Variants in DDX43 observed in about 807,000 individuals in gnomAD.
The protein encoded by DDX43 is probable ATP-dependent RNA helicase DDX43.
Under a neutral mutation model 84.9 loss-of-function variants are expected in DDX43, and 50 were observed. The ratio of observed to expected loss-of-function variants is 0.59; its 90% confidence interval spans 0.47 to 0.75. DDX43 has a LOEUF of 0.75. DDX43 is among the 30% of genes least tolerant of loss of function. The pLI, the probability that DDX43 is intolerant of heterozygous loss-of-function variation, is 0.00. For synonymous variants in DDX43, 291 were observed against 266.3 expected, an observed-to-expected ratio of 1.09 and a Z score of -0.90; for missense variants, 689 against 798.6, an observed-to-expected ratio of 0.86 and a Z score of 1.65.
chr6:73,396,356 C>T (rs1461233349), intron 1 of DDX43, among the ~76,000 whole-genome samples: 1 of 152,146 alleles, frequency 6.6e-6, no homozygotes, highest in Non-Finnish European at 1.5e-5. Flanking sequence ...TGTATTTCAC[C>T]CTTTTTAAAA....
At chr6:73,397,620 G>C in intron 1 of DDX43, 69 bp from the exon 2 acceptor site, 3 of 1,273,354 alleles carry the variant, frequency 2.4e-6, no homozygotes, top group Non-Finnish European at 3.4e-6. Flanking sequence ...GTTTGTTGAG[G>C]AAAATGGGTA....
chr6:73,398,890 CCTG>C (rs1290810497), intron 2 of DDX43, among the ~76,000 whole-genome samples: 1 of 152,170 alleles, frequency 6.6e-6, no homozygotes, highest in Non-Finnish European at 1.5e-5. Flanking sequence ...AACTGTATGT[CCTG>C]CTTCCATTTG....
Position 73,408,014 on chromosome 6 carries a change from A to G in DDX43, c.1092A>G (p.Lys364=). 6.2e-7 allele frequency: 1 copy of G among 1,613,764 alleles called. No individual in the cohort carries two copies. Among genetic ancestry groups the G allele is most frequent in the East Asian group, 2.2e-5 (1 of 44,888 alleles). The change falls in exon 9 of 17, where the codon AAA becomes AAG. Residue 364 remains lysine, a synonymous_variant. Coordinates refer to ENST00000370336, the MANE Select transcript of DDX43 (RefSeq NM_018665.3). The part of the protein sequence containing the change: ...NRDEQIEELK[K]GVDIIIATPG... Reference sequence around the variant, plus strand: ...ATGAACAAATAGAAGAGCTTAAAAAAGGTGTAGATATCATAATTGCAACTC... The same window carrying G: ...ATGAACAAATAGAAGAGCTTAAAAAGGGTGTAGATATCATAATTGCAACTC...
Position 73,394,917 on chromosome 6 carries a change from C to T in DDX43, c.12C>T (p.His4=), listed in dbSNP as rs768641284. The T allele has an allele frequency of 1.2e-6, 2 of 1,614,184 alleles. No homozygotes were observed. The highest frequency in any genetic ancestry group is 2.2e-5 in the East Asian group (1 of 44,882). ...CCCTTCTTGGAACAATGTCCCACCA[C>T]GGAGGAGCTCCCAAGGCCTCTACGT... The part of the protein sequence containing the change: MSH[H]GGAPKASTWV... Residue 4 remains histidine, a synonymous_variant, in exon 1 of 17, where the codon CAC becomes CAT. Coordinates refer to ENST00000370336, the MANE Select transcript of DDX43 (RefSeq NM_018665.3).
chr6:73,400,119 A>T, intron 2 of DDX43, 115 bp from the exon 3 acceptor site: 1 of 810,856 alleles, frequency 1.2e-6, no homozygotes, highest in East Asian at 2.8e-5. Flanking sequence ...TATTTACTTT[A>T]TACTGTAATA....
intron 5 of DDX43, among the ~76,000 whole-genome samples, chr6:73,405,236 G>A (rs1769654404): frequency 6.6e-6 from 1 of 152,174 alleles, no homozygotes; most frequent in Admixed American, 6.5e-5. Flanking sequence ...ACTAAGAGAT[G>A]CATGGAATAG....
At position 73,400,958 on chromosome 6, in the gene DDX43, A is replaced by ATTTATT. The variant is rs1378771570; in HGVS notation, c.436+610_436+615dup. 2.6e-5 allele frequency among the ~76,000 whole-genome samples: 4 copies of ATTTATT among 152,044 alleles called. No individual in the cohort carries two copies. In the South Asian group the frequency reaches 6.2e-4, roughly 24 times the overall value. On this transcript the variant is annotated intron_variant, in intron 3 of 16. Coordinates refer to ENST00000370336, the MANE Select transcript of DDX43 (RefSeq NM_018665.3). ...TTCTATTTTTATATCTGACTCATTT[A>ATTTATT]TTTATTTTTATTTTTATTTTATTTT...
At chr6:73,404,814 T>TA (rs746936894) in intron 5 of DDX43, 43 bp downstream of exon 5, 2 of 1,467,300 alleles carry the variant, frequency 1.4e-6, no homozygotes, top group South Asian at 2.4e-5. Flanking sequence ...TTTGTATAGT[T>TA]ACGTTATTGG....
At position 73,414,036 on chromosome 6, in the gene DDX43, A is replaced by G; in HGVS notation, c.1563A>G (p.Arg521=). The part of the protein sequence containing the change: ...NISVESLHGD[R]EQRDREKALE... ...CAGTAGAGTCTCTGCATGGAGATAG[A>G]GAACAGAGAGATCGGGAGAAAGCAT... The change falls in exon 13 of 17, where the codon AGA becomes AGG. Residue 521 remains arginine, a synonymous_variant. Coordinates refer to ENST00000370336, the MANE Select transcript of DDX43 (RefSeq NM_018665.3). The G allele has an allele frequency of 6.2e-7, 1 of 1,610,844 alleles. No homozygotes were observed. The highest frequency in any genetic ancestry group is 8.5e-7 in the Non-Finnish European group (1 of 1,177,098).
intron 1 of DDX43, among the ~76,000 whole-genome samples, chr6:73,396,654 T>C (rs192545129): frequency 0.022 from 3,305 of 147,706 alleles, 280 homozygotes; most frequent in East Asian, 0.16. Context: ...ACAATACTAA[T>C]AATAAGCACA....
rs1769715048 is a variant in DDX43 at position 73,407,981 on chromosome 6, A to C, written c.1059A>C (p.Gly353=). Residue 353 remains glycine, a synonymous_variant, in exon 9 of 17, where the codon GGA becomes GGC. Coordinates refer to ENST00000370336, the MANE Select transcript of DDX43 (RefSeq NM_018665.3). The part of the protein sequence containing the change: ...GLRSVCVYGG[G]NRDEQIEELK... Reference sequence around the variant, plus strand: ...TAAGTGTTTGTGTATATGGTGGTGGAAATAGAGATGAACAAATAGAAGAGC... The same window carrying C: ...TAAGTGTTTGTGTATATGGTGGTGGCAATAGAGATGAACAAATAGAAGAGC... The C allele has an allele frequency of 6.2e-7, 1 of 1,613,540 alleles. No individual in the cohort carries two copies. The highest frequency in any genetic ancestry group is 8.5e-7 in the Non-Finnish European group (1 of 1,179,638).
At position 73,414,582 on chromosome 6, in the gene DDX43, C is replaced by T. The variant is rs1230545475; in HGVS notation, c.1641C>T (p.Ala547=). Reference sequence around the variant, plus strand: ...GAATACTAATTGCAACTGATCTAGCCTCTAGAGGACTTGATGTCCATGACG... The same window carrying T: ...GAATACTAATTGCAACTGATCTAGCTTCTAGAGGACTTGATGTCCATGACG... The part of the protein sequence containing the change: ...KVRILIATDL[A]SRGLDVHDVT... Residue 547 remains alanine, a synonymous_variant, in exon 14 of 17, where the codon GCC becomes GCT. Transcript: ENST00000370336. 6 of 1,613,110 alleles carry T rather than the reference C, an allele frequency of 3.7e-6. No individual in the cohort carries two copies. Among genetic ancestry groups the T allele is most frequent in the Non-Finnish European group, 4.2e-6 (5 of 1,179,404 alleles).
intron 4 of DDX43, among the ~76,000 whole-genome samples, chr6:73,402,745 A>G (rs1769600483): frequency 6.6e-6 from 1 of 151,828 alleles, no homozygotes; most frequent in South Asian, 2.1e-4. Context: ...AGCCCAGATA[A>G]TTTTTATGTT....
At chr6:73,404,519 T>G (rs1769636810) in intron 4 of DDX43, among the ~76,000 whole-genome samples, 171 bp from the exon 5 acceptor site, 1 of 152,182 alleles carries the variant, frequency 6.6e-6, no homozygotes, top group South Asian at 2.1e-4. Context: ...GTGCCTAACC[T>G]CCAGAAAGGG....
chr6:73,399,941 CTTAA>C (rs1165822919), intron 2 of DDX43, among the ~76,000 whole-genome samples: 7 of 152,128 alleles, frequency 4.6e-5, no homozygotes, highest in Non-Finnish European at 1.5e-5. Context: ...AGGTTAGTGC[CTTAA>C]TTATTTCTCT....
intron 4 of DDX43, among the ~76,000 whole-genome samples, chr6:73,403,800 C>A (rs891271527): frequency 1.3e-5 from 2 of 151,784 alleles, no homozygotes; most frequent in African/African-American, 4.8e-5. Context: ...CAGGCACATA[C>A]CACCATGCCA....
At chr6:73,410,835 C>T (rs1349912971) in intron 10 of DDX43, among the ~76,000 whole-genome samples, 3 of 151,728 alleles carry the variant, frequency 2.0e-5, no homozygotes, top group Non-Finnish European at 2.9e-5. Context: ...CTCAAGTGAT[C>T]CACCCACCTA....
At position 73,397,691 on chromosome 6, in the gene DDX43, C is replaced by T. The variant is rs944028999; in HGVS notation, c.253C>T (p.Arg85Cys). The change falls in exon 2 of 17, where the codon CGT becomes TGT. Residue 85 changes from arginine (R) to cysteine (C), a missense_variant and splice_region_variant. Around this residue, in one of 2 missense-constraint regions of DDX43, gnomAD observed 552 missense variants for 692.7 expected, o/e 0.80. Coordinates refer to ENST00000370336, the MANE Select transcript of DDX43 (RefSeq NM_018665.3). ...TATTCCTTTATTTTTAAAAACAGGT[C>T]GTGGTGGGTCAAAAATAAAGAATAT... ...KSHFVGAVIG[R>C]GGSKIKNIQS... is the part of the protein sequence containing the mutation. 5.0e-6 allele frequency: 8 copies of T among 1,610,152 alleles called. No individual in the cohort carries two copies. The African/African-American group carries it at 8.0e-5, about 16-fold the overall frequency.
At chr6:73,413,292 T>G (rs1769839132) in intron 11 of DDX43, among the ~76,000 whole-genome samples, 1 of 152,174 alleles carries the variant, frequency 6.6e-6, no homozygotes, top group African/African-American at 2.4e-5. Flanking sequence ...CCTTATTTCA[T>G]TAGAGATTTA....
Sources: allele counts gnomAD v4.1 joint callset (sites outside exome capture counted in the v4.1 genomes callset), GRCh38; gene constraint gnomAD v4.1.1; regional missense constraint gnomAD v4.1.1; transcripts MANE v1.5; gene names NCBI Gene and HGNC (gene_info 2026-07-23, HGNC 2026-07-21).